The following ZNF385D variants were observed in gnomAD, a reference collection of about 807,000 sequenced individuals.
ZNF385D encodes zinc finger protein 659.
In ZNF385D, 15 loss-of-function variants were observed where a neutral mutation model predicts 35.8. That is an observed-to-expected ratio of 0.42 (90% CI 0.28 to 0.64). The LOEUF (loss-of-function observed/expected upper bound fraction) is 0.64. Among genes scored for constraint, ZNF385D ranks in the 30% least tolerant of loss-of-function variants. The pLI, the probability that ZNF385D is intolerant of heterozygous loss-of-function variation, is 0.23. For synonymous variants in ZNF385D, 212 were observed against 186.8 expected (o/e 1.13, Z -1.10); for missense variants, 474 against 494.6 (o/e 0.96, Z 0.39).
chr3:21,871,771 T>C (rs111572336), intron 3 of ZNF385D, among the ~76,000 whole-genome samples: 1 of 151,996 alleles, frequency 6.6e-6, no homozygotes, highest in Non-Finnish European at 1.5e-5. Flanking sequence ...TTTCGGAGGC[T>C]GAGGCAGGTG....
At chr3:22,171,083 T>TA (rs1221376594) in intron 2 of ZNF385D, among the ~76,000 whole-genome samples, 1 of 151,630 alleles carries the variant, frequency 6.6e-6, no homozygotes, top group Non-Finnish European at 1.5e-5. Flanking sequence ...TTTCTGTATT[T>TA]AAAAAATTGC....
intron 2 of ZNF385D, among the ~76,000 whole-genome samples, chr3:22,352,249 A>G (rs889856782): frequency 3.3e-5 from 5 of 152,172 alleles, no homozygotes; most frequent in African/African-American, 1.2e-4. Context: ...CTGCCTAAAA[A>G]TCTTTGACAG....
chr3:21,812,147 AT>A (rs1476369158), intron 3 of ZNF385D, among the ~76,000 whole-genome samples: 2 of 152,246 alleles, frequency 1.3e-5, no homozygotes, highest in African/African-American at 4.8e-5. Flanking sequence ...ACAGGAAAAA[AT>A]AATTTGATTT....
At position 21,474,919 on chromosome 3, in the gene ZNF385D, TAAG is replaced by T. The variant is rs1704137984; in HGVS notation, c.439+35939_439+35941del. Among the ~76,000 whole-genome samples, 3 of 152,142 alleles carry T rather than the reference TAAG, an allele frequency of 2.0e-5. No individual in the cohort carries two copies. In the South Asian group the frequency reaches 6.2e-4, roughly 32 times the overall value. On this transcript the variant is annotated intron_variant, in intron 4 of 7. Transcript: ENST00000281523. ...ACTAAGACATATCTGGTGTAATTGA[TAAG>T]AAATCCTTTCTCTAGCTGTTTGTAC... is the stretch of plus-strand genomic sequence containing the variant.
rs1299349475 is a variant in ZNF385D, at chr3:21,624,561, G to T, written c.165+40325C>A. ...GAGACTTTATAATGACTGCTGGCAA[G>T]AATTGGATTGGTGGAAATCCGGGCA... On this transcript the variant is annotated intron_variant, in intron 2 of 7. Transcript: ENST00000281523. Among the ~76,000 whole-genome samples the T allele has an allele frequency of 2.0e-5, 3 of 152,116 alleles. No individual in the cohort carries two copies. In the East Asian group the frequency reaches 5.8e-4, roughly 30 times the overall value.
At chr3:21,535,063 C>T (rs994181310) in intron 3 of ZNF385D, among the ~76,000 whole-genome samples, 8 of 152,092 alleles carry the variant, frequency 5.3e-5, no homozygotes, top group African/African-American at 1.2e-4. Context: ...ATAATATCTT[C>T]TTAGCATTTA....
rs548265787 is a variant in ZNF385D at position 21,632,700 on chromosome 3, G to A, written c.165+32186C>T. On this transcript the variant is annotated intron_variant, in intron 2 of 7. Transcript: ENST00000281523. ...ATGTATTTTCAGATTCAGCTGACACGAACTGTTGCTTTCCCTAATTTGTAG... is the reference window on the plus strand; with the variant it reads ...ATGTATTTTCAGATTCAGCTGACACAAACTGTTGCTTTCCCTAATTTGTAG... Among the ~76,000 whole-genome samples, 77 of 152,186 alleles carry A rather than the reference G, an allele frequency of 5.1e-4. 1 individual carries two copies. Among genetic ancestry groups the A allele is most frequent in the Admixed American group, 4.1e-3 (62 of 15,266 alleles).
intron 3 of ZNF385D, among the ~76,000 whole-genome samples, chr3:21,946,622 A>C (rs142087403): frequency 1.5e-4 from 23 of 152,284 alleles, no homozygotes; most frequent in Non-Finnish European, 3.2e-4. Context: ...ACTTGAGCTC[A>C]GGAGTTGGAG....
At chr3:21,796,016 A>G (rs1559629757) in intron 3 of ZNF385D, among the ~76,000 whole-genome samples, 1 of 152,234 alleles carries the variant, frequency 6.6e-6, no homozygotes. Flanking sequence ...ACTATGTGGC[A>G]ATACTATCAT....
At chr3:21,618,458 A>G (rs999626331) in intron 2 of ZNF385D, among the ~76,000 whole-genome samples, 57 of 152,158 alleles carry the variant, frequency 3.7e-4, no homozygotes, top group African/African-American at 1.3e-3. Context: ...CAGAACTGTG[A>G]CAGAATAAAT....
intron 2 of ZNF385D, among the ~76,000 whole-genome samples, chr3:22,215,065 C>T (rs1452955006): frequency 6.6e-6 from 1 of 151,982 alleles, no homozygotes; most frequent in Admixed American, 6.6e-5. Flanking sequence ...CCCTTTATTT[C>T]TCAGACCGGC....
At chr3:22,353,841 C>T (rs1195941926) in intron 2 of ZNF385D, among the ~76,000 whole-genome samples, 3 of 152,096 alleles carry the variant, frequency 2.0e-5, no homozygotes, top group Non-Finnish European at 4.4e-5. Flanking sequence ...TCTCAAACAT[C>T]TCACTTGCCA....
At chr3:22,130,823 G>GA (rs765148659) in intron 3 of ZNF385D, among the ~76,000 whole-genome samples, 19 of 152,050 alleles carry the variant, frequency 1.2e-4, no homozygotes, top group Non-Finnish European at 2.9e-5. Flanking sequence ...CTTCTTCTGT[G>GA]GATAGTTGTT....
At chr3:21,528,615 G>C (rs2061842882) in intron 3 of ZNF385D, among the ~76,000 whole-genome samples, 1 of 152,134 alleles carries the variant, frequency 6.6e-6, no homozygotes, top group Non-Finnish European at 1.5e-5. Flanking sequence ...GGATCAAATG[G>C]ATCATAACAT....
At chr3:21,466,299 G>A (rs946959330) in intron 4 of ZNF385D, among the ~76,000 whole-genome samples, 1 of 152,040 alleles carries the variant, frequency 6.6e-6, no homozygotes, top group African/African-American at 2.4e-5. Flanking sequence ...CTTTCACTTT[G>A]CCTACTCCTT....
intron 4 of ZNF385D, among the ~76,000 whole-genome samples, chr3:21,475,702 C>T (rs971843153): frequency 1.3e-5 from 2 of 152,112 alleles, no homozygotes; most frequent in African/African-American, 4.8e-5. Context: ...ATGTCAGGCC[C>T]ATTAACTCTT....
chr3:21,499,954 C>A (rs1017508363), intron 4 of ZNF385D, among the ~76,000 whole-genome samples: 1 of 152,104 alleles, frequency 6.6e-6, no homozygotes, highest in East Asian at 1.9e-4. Context: ...CATGTCACAA[C>A]GCAAAGTTGG....
chr3:22,131,509 A>G (rs975448148), intron 3 of ZNF385D, among the ~76,000 whole-genome samples: 2 of 152,188 alleles, frequency 1.3e-5, no homozygotes. Flanking sequence ...GTATTTTCAT[A>G]TTGATGAGAA....
At chr3:22,181,361 C>G (rs944572612) in intron 2 of ZNF385D, among the ~76,000 whole-genome samples, 3 of 152,114 alleles carry the variant, frequency 2.0e-5, no homozygotes, top group African/African-American at 7.2e-5. Flanking sequence ...ACAGTCCACT[C>G]TCCTGGAGGG....
Sources: gnomAD v4.1 joint callset for allele counts (sites outside exome capture counted in the v4.1 genomes callset) on GRCh38, gnomAD v4.1.1 for gene constraint, MANE v1.5 for transcripts, NCBI Gene and HGNC (gene_info 2026-07-23, HGNC 2026-07-21) for gene names.